TENM4: variants seen among roughly 807,000 people sequenced by gnomAD.
TENM4 encodes teneurin-4.
In TENM4, 82 loss-of-function variants were observed where a neutral mutation model predicts 243.3. That is an observed-to-expected ratio of 0.34 (90% CI 0.28 to 0.40). TENM4 has a LOEUF of 0.40. TENM4 is among the 10% of genes least tolerant of loss of function. The pLI is 1.00. For missense variants in TENM4, 3,138 were observed against 3,673.3 expected (o/e 0.85, Z 3.77); for synonymous variants, 1,412 against 1,456.3 (o/e 0.97, Z 0.69).
At chr11:78,853,544 C>G (rs1181800613) in intron 12 of TENM4, among the ~76,000 whole-genome samples, 1 of 152,192 alleles carries the variant, frequency 6.6e-6, no homozygotes, top group Non-Finnish European at 1.5e-5. Flanking sequence ...AGGGCCCACT[C>G]TTTGTCAGAG....
Position 79,269,136 on chromosome 11 carries a change from TATAAC to T in TENM4, c.-265+28347_-265+28351del, listed in dbSNP as rs367552374. Among the ~76,000 whole-genome samples the T allele has an allele frequency of 2.5e-3, 384 of 152,348 alleles. 3 individuals are homozygous for T. The highest frequency in any genetic ancestry group is 8.9e-3 in the African/African-American group (371 of 41,574). ...TAATTCAGGATTCCCACCTACTTTATATAACATAACTACTGTAAAAAATGAGAATC... is the reference window on the plus strand; with the variant it reads ...TAATTCAGGATTCCCACCTACTTTATATAACTACTGTAAAAAATGAGAATC... On this transcript the variant is annotated intron_variant, in intron 2 of 33. Transcript: ENST00000278550.
At chr11:78,729,758 G>A (rs1480448205) in intron 21 of TENM4, 115 bp from the exon 22 acceptor site, 3 of 1,362,152 alleles carry the variant, frequency 2.2e-6, no homozygotes, top group South Asian at 1.5e-5. Context: ...AAGGCAGAAG[G>A]AGAGAGGAGG....
rs115547299 is a variant in TENM4, at chr11:78,951,514, G to A, written c.494-47991C>T. ...TGCTGTACCAAAATTCCATAGACTAGGTTGCTTAAATAATAGAAATTTATT... is the reference window on the plus strand; with the variant it reads ...TGCTGTACCAAAATTCCATAGACTAAGTTGCTTAAATAATAGAAATTTATT... On this transcript the variant is annotated intron_variant, in intron 6 of 33. Coordinates refer to ENST00000278550, the MANE Select transcript of TENM4 (RefSeq NM_001098816.3). Among the ~76,000 whole-genome samples, 1,314 of 152,230 alleles carry A rather than the reference G, an allele frequency of 8.6e-3. 14 individuals are homozygous for A. The highest frequency in any genetic ancestry group is 0.029 in the African/African-American group (1,221 of 41,532).
At chr11:79,070,102 C>T in intron 4 of TENM4, 93 bp from the exon 5 acceptor site, 1 of 1,399,698 alleles carries the variant, frequency 7.1e-7, no homozygotes, top group South Asian at 1.5e-5. Context: ...GCCCTGTGGA[C>T]AGAGAACCCC....
At position 78,656,017 on chromosome 11, in the gene TENM4, C is replaced by G. The variant is rs938208110; in HGVS notation, c.*2041G>C. ...AAAGCGCACTGCTGCAGCAGGGTGGCTTTTTTTTTGGAAACAGGAAGAGCA... is the reference window on the plus strand; with the variant it reads ...AAAGCGCACTGCTGCAGCAGGGTGGGTTTTTTTTTGGAAACAGGAAGAGCA... On this transcript the variant is annotated 3_prime_UTR_variant, in exon 34 of 34. Coordinates refer to ENST00000278550, the MANE Select transcript of TENM4 (RefSeq NM_001098816.3). The G allele has an allele frequency of 6.6e-6, 1 of 151,182 alleles. No homozygotes were observed. The highest frequency in any genetic ancestry group is 2.4e-5 in the African/African-American group (1 of 41,126). The allele number at this position is 151,182 out of a possible 1,614,324, so 9.4% of individuals were successfully genotyped here.
chr11:79,037,917 A>G (rs1412134989), intron 6 of TENM4, among the ~76,000 whole-genome samples: 1 of 152,208 alleles, frequency 6.6e-6, no homozygotes, highest in Non-Finnish European at 1.5e-5. Flanking sequence ...AATGATTCCT[A>G]TTGTGGAACA....
At chr11:79,108,852 T>C (rs1333332480) in intron 4 of TENM4, among the ~76,000 whole-genome samples, 2 of 152,154 alleles carry the variant, frequency 1.3e-5, no homozygotes, top group Non-Finnish European at 2.9e-5. Context: ...TCTCCTGGGC[T>C]CCTGCCCAGT....
intron 1 of TENM4, among the ~76,000 whole-genome samples, chr11:79,391,904 C>T (rs1389506372): frequency 3.3e-5 from 5 of 152,084 alleles, no homozygotes; most frequent in African/African-American, 1.2e-4. Flanking sequence ...TGTTCCCCTC[C>T]ACCAAAAGAT....
chr11:79,347,834 C>A (rs532978166), intron 1 of TENM4, among the ~76,000 whole-genome samples: 46 of 131,500 alleles, frequency 3.5e-4, no homozygotes, highest in Middle Eastern at 5.5e-3. Flanking sequence ...CTGCGGACTG[C>A]AGTGGCGCAA....
At chr11:78,828,220 A>C (rs180826040) in intron 12 of TENM4, among the ~76,000 whole-genome samples, 8 of 152,186 alleles carry the variant, frequency 5.3e-5, no homozygotes, top group African/African-American at 1.4e-4. Context: ...CTTTTTATAA[A>C]TTGTTTCCAG....
At chr11:79,394,415 C>T (rs1262111859) in intron 1 of TENM4, among the ~76,000 whole-genome samples, 1 of 152,182 alleles carries the variant, frequency 6.6e-6, no homozygotes, top group Non-Finnish European at 1.5e-5. Context: ...GTCACTTCTA[C>T]ACTGTATAAT....
chr11:79,032,778 C>A (rs975593656), intron 6 of TENM4, among the ~76,000 whole-genome samples: 5 of 152,202 alleles, frequency 3.3e-5, no homozygotes, highest in African/African-American at 9.6e-5. Context: ...GAATACTTCT[C>A]CCCTAATGTC....
intron 1 of TENM4, among the ~76,000 whole-genome samples, chr11:79,362,831 C>G (rs1223176450): frequency 6.6e-6 from 1 of 152,236 alleles, no homozygotes; most frequent in African/African-American, 2.4e-5. Flanking sequence ...TTAACATAGA[C>G]AAAATGCTTA....
rs554233418 is a variant in TENM4, at chr11:78,755,435, T to C, written c.2756+1370A>G. On this transcript the variant is annotated intron_variant, in intron 19 of 33. Coordinates refer to ENST00000278550, the MANE Select transcript of TENM4 (RefSeq NM_001098816.3). ...CTGCCCGCCTGAGCCTCCCAGGGTG[T>C]TGGGATTACAGGCATGAGCCACTGC... 5.3e-5 allele frequency among the ~76,000 whole-genome samples: 8 copies of C among 152,220 alleles called. No homozygotes were observed. In the South Asian group the frequency reaches 1.2e-3, roughly 24 times the overall value.
In TENM4 at chr11:78,702,221, G is replaced by A. The variant is rs374248447; in HGVS notation, c.4392C>T (p.His1464=). 181 of 1,613,998 alleles carry A rather than the reference G, an allele frequency of 1.1e-4. No homozygotes were observed. Among genetic ancestry groups the A allele is most frequent in the Non-Finnish European group, 1.5e-4 (177 of 1,179,886 alleles). Residue 1464 remains histidine (H), a synonymous_variant, in exon 28 of 34, where the codon CAC becomes CAT. Coordinates refer to ENST00000278550, the MANE Select transcript of TENM4 (RefSeq NM_001098816.3). ...DHFLLSKVAI[H]ATLESATALA... is the part of the protein sequence containing the mutation. Reference sequence around the variant, plus strand: ...AAGCGGTGGCTGACTCCAGGGTTGCGTGGATGGCCACCTTGCTTAGCAGGA... The same window carrying A: ...AAGCGGTGGCTGACTCCAGGGTTGCATGGATGGCCACCTTGCTTAGCAGGA...
At chr11:79,421,110 C>CA (rs746931609) in intron 1 of TENM4, among the ~76,000 whole-genome samples, 9 of 152,232 alleles carry the variant, frequency 5.9e-5, no homozygotes, top group Admixed American at 3.3e-4. Flanking sequence ...TTTCTCTTTG[C>CA]AAAATCACAA....
At chr11:79,323,858 T>C (rs1259778057) in intron 1 of TENM4, among the ~76,000 whole-genome samples, 1 of 151,256 alleles carries the variant, frequency 6.6e-6, no homozygotes, top group East Asian at 2.0e-4. Context: ...ATAAAATCAA[T>C]CAATCTATTT....
chr11:79,259,274 A>C (rs1248051350), intron 2 of TENM4, among the ~76,000 whole-genome samples: 1 of 152,170 alleles, frequency 6.6e-6, no homozygotes, highest in Non-Finnish European at 1.5e-5. Context: ...ACTAGTATGA[A>C]TTCATCTATC....
chr11:79,012,051 C>T (rs1480170529), intron 6 of TENM4, among the ~76,000 whole-genome samples: 1 of 152,198 alleles, frequency 6.6e-6, no homozygotes, highest in Non-Finnish European at 1.5e-5. Context: ...AAACTGCAAT[C>T]CACGTTGCCA....
Sources: gnomAD v4.1 joint callset for allele counts (sites outside exome capture counted in the v4.1 genomes callset) on GRCh38, gnomAD v4.1.1 for gene constraint, MANE v1.5 for transcripts, NCBI Gene and HGNC (gene_info 2026-07-23, HGNC 2026-07-21) for gene names.